Variants in DIAPH2 observed in about 807,000 individuals in gnomAD.
DIAPH2 encodes protein diaphanous homolog 2.
DIAPH2 carries 35 observed loss-of-function variants against 92.7 expected under a neutral mutation model. The observed-to-expected ratio is 0.38, with a 90% CI of 0.29 to 0.50. The LOEUF (loss-of-function observed/expected upper bound fraction) is 0.50, where lower values mean the gene tolerates loss of function less well. Ranked by LOEUF, DIAPH2 falls within the 20% of genes least tolerant of loss-of-function variation. The probability of loss-of-function intolerance (pLI) is 0.94; values close to 1 mark genes in which losing one functional copy is unlikely to be tolerated. For synonymous variants in DIAPH2, 301 were observed against 280.4 expected (o/e 1.07, Z -0.73); for missense variants, 701 against 819.5 (o/e 0.86, Z 1.77).
At chrX:97,026,482 A>G (rs2066335821) in intron 17 of DIAPH2, among the ~76,000 whole-genome samples, 1 of 112,368 alleles carries the variant, frequency 8.9e-6, no homozygotes, top group Non-Finnish European at 1.9e-5. Context: ...ATTGTGATGT[A>G]CTTTCCTAAC....
At chrX:97,431,593 T>G (rs1345027090) in intron 26 of DIAPH2, 1 of 112,774 alleles carries the variant, frequency 8.9e-6, no homozygotes, top group Non-Finnish European at 1.9e-5. Flanking sequence ...TAATCTAAAT[T>G]GGGATTTCCT....
intron 24 of DIAPH2, among the ~76,000 whole-genome samples, chrX:97,372,143 A>G (rs1224353255): frequency 8.9e-6 from 1 of 112,259 alleles, no homozygotes; most frequent in Admixed American, 9.4e-5. Context: ...ATGGACTGTG[A>G]CGGGAGAGAC....
intron 17 of DIAPH2, among the ~76,000 whole-genome samples, chrX:97,021,338 A>G (rs1420016881): frequency 9.0e-6 from 1 of 111,591 alleles, no homozygotes; most frequent in African/African-American, 3.3e-5. Flanking sequence ...AGCTGGGACT[A>G]CAGGTGCATG....
intron 4 of DIAPH2, among the ~76,000 whole-genome samples, chrX:96,805,923 G>C (rs1395804972): frequency 8.9e-6 from 1 of 112,264 alleles, no homozygotes; most frequent in African/African-American, 3.2e-5. Context: ...AGATAAAGGG[G>C]AAGGCAGATA....
intron 22 of DIAPH2, among the ~76,000 whole-genome samples, chrX:97,215,777 G>T (rs1179711605): frequency 8.9e-6 from 1 of 111,784 alleles, no homozygotes; most frequent in Non-Finnish European, 1.9e-5. Flanking sequence ...TGCCTATATA[G>T]ACACCAATGG....
chrX:97,398,168 C>T (rs764970628), intron 25 of DIAPH2, among the ~76,000 whole-genome samples: 4 of 112,294 alleles, frequency 3.6e-5, no homozygotes, highest in Non-Finnish European at 7.5e-5. Flanking sequence ...TTTGAGGCAA[C>T]TGGTTCTGAG....
At chrX:97,225,981 C>T (rs1170196401) in intron 22 of DIAPH2, among the ~76,000 whole-genome samples, 1 of 111,387 alleles carries the variant, frequency 9.0e-6, no homozygotes, top group African/African-American at 3.3e-5. Context: ...CACAGCTGCT[C>T]TAGAGGAACT....
chrX:97,104,841 A>G (rs759559601), intron 20 of DIAPH2, among the ~76,000 whole-genome samples: 2 of 112,242 alleles, frequency 1.8e-5, no homozygotes, highest in Non-Finnish European at 3.8e-5. Context: ...AATGATAATG[A>G]ATAATTAACA....
intron 21 of DIAPH2, among the ~76,000 whole-genome samples, chrX:97,124,195 T>G (rs1378181003): frequency 8.9e-6 from 1 of 112,372 alleles, no homozygotes; most frequent in East Asian, 2.8e-4. Flanking sequence ...TAACAAAGTT[T>G]ATAGATGTAT....
intron 23 of DIAPH2, among the ~76,000 whole-genome samples, chrX:97,308,388 G>A (rs774821768): frequency 9.0e-6 from 1 of 111,147 alleles, no homozygotes; most frequent in South Asian, 3.9e-4. Context: ...CATTTGAAAT[G>A]GCAGAGCTGC....
At chrX:96,819,636 T>C (rs889630827) in intron 4 of DIAPH2, among the ~76,000 whole-genome samples, 5 of 112,303 alleles carry the variant, frequency 4.5e-5, no homozygotes, top group Admixed American at 9.4e-5. Flanking sequence ...TTATAATCAA[T>C]AGTACATGAT....
chrX:96,784,474 A>G (rs1415996771), intron 4 of DIAPH2, among the ~76,000 whole-genome samples: 3 of 111,806 alleles, frequency 2.7e-5, no homozygotes, highest in Non-Finnish European at 5.6e-5. Flanking sequence ...TCTGTCCACT[A>G]TAACATTTCT....
chrX:97,243,706 T>G (rs2068117192), intron 22 of DIAPH2, among the ~76,000 whole-genome samples: 3 of 111,554 alleles, frequency 2.7e-5, no homozygotes, highest in African/African-American at 9.8e-5. Context: ...CACATTCCCA[T>G]TTGTCTAAGC....
chrX:97,435,713 G>A (rs2070176301), intron 26 of DIAPH2, among the ~76,000 whole-genome samples: 1 of 110,772 alleles, frequency 9.0e-6, no homozygotes, highest in Non-Finnish European at 1.9e-5. Context: ...CCCTGGCTGT[G>A]TAATTGTAAG....
intron 25 of DIAPH2, among the ~76,000 whole-genome samples, chrX:97,393,231 G>A (rs995457898): frequency 2.7e-5 from 3 of 111,438 alleles, no homozygotes; most frequent in African/African-American, 9.8e-5. Flanking sequence ...TGAGAAGATG[G>A]TAACAGGAAG....
At chrX:97,271,962 G>A (rs2068391454) in intron 23 of DIAPH2, among the ~76,000 whole-genome samples, 1 of 110,000 alleles carries the variant, frequency 9.1e-6, no homozygotes, top group Non-Finnish European at 1.9e-5. Flanking sequence ...ATGGGGCAAG[G>A]TACAATACAC....
chrX:96,754,876 A>G (rs6615859), intron 3 of DIAPH2, among the ~76,000 whole-genome samples: 14,654 of 95,872 alleles, frequency 0.15, 1,149 homozygotes, highest in East Asian at 0.32. Flanking sequence ...GTGAGCCAAG[A>G]TCAGGCCACT....
chrX:97,343,529 C>T (rs1234337731), intron 23 of DIAPH2, among the ~76,000 whole-genome samples: 1 of 110,858 alleles, frequency 9.0e-6, no homozygotes, highest in Non-Finnish European at 1.9e-5. Context: ...ATTAGCTGGG[C>T]ATGGTGGCAT....
chrX:96,959,055 G>A (rs746498044), intron 16 of DIAPH2, among the ~76,000 whole-genome samples: 2 of 111,678 alleles, frequency 1.8e-5, no homozygotes, highest in East Asian at 5.6e-4. Context: ...CAATAAACAT[G>A]AGGGTGCAGG....
Sources: allele counts gnomAD v4.1 joint callset (sites outside exome capture counted in the v4.1 genomes callset), GRCh38; gene constraint gnomAD v4.1.1; transcripts MANE v1.5; gene names NCBI Gene and HGNC (gene_info 2026-07-23, HGNC 2026-07-21).